Variants in LDB2 observed in about 807,000 individuals in gnomAD.
LDB2 encodes LIM domain binding 2, also known as LIM domain-binding protein 2.
In LDB2, 12 loss-of-function variants were observed where a neutral mutation model predicts 44.3. The ratio of observed to expected loss-of-function variants is 0.27; its 90% confidence interval spans 0.17 to 0.44. The LOEUF (loss-of-function observed/expected upper bound fraction) is 0.44, where lower values mean the gene tolerates loss of function less well. Among genes scored for constraint, LDB2 ranks in the 20% least tolerant of loss-of-function variants. The pLI is 1.00. For synonymous variants in LDB2, 164 were observed against 174.8 expected (o/e 0.94, Z 0.49); for missense variants, 344 against 473.5 (o/e 0.73, Z 2.54).
At chr4:16,766,892 T>C (rs1415058572) in intron 1 of LDB2, among the ~76,000 whole-genome samples, 5 of 152,162 alleles carry the variant, frequency 3.3e-5, no homozygotes, top group African/African-American at 1.2e-4. Flanking sequence ...ATTTAAACAT[T>C]TTGCTACTAA....
Position 16,898,480 on chromosome 4 carries a change from G to A in LDB2, c.6C>T (p.Ser2=), listed in dbSNP as rs1052406984. The A allele has an allele frequency of 3.7e-6, 6 of 1,613,440 alleles. No homozygotes were observed. Among genetic ancestry groups the A allele is most frequent in the Non-Finnish European group, 5.1e-6 (6 of 1,179,820 alleles). The change falls in exon 1 of 8, where the codon TCC becomes TCT. Residue 2 remains serine (S), a synonymous_variant. Coordinates refer to ENST00000304523, the MANE Select transcript of LDB2 (RefSeq NM_001290.5). M[S]STPHDPFYSS... is the part of the protein sequence containing the mutation. The stretch of plus-strand genomic sequence containing the variant: ...AATAGAAGGGGTCATGTGGTGTGCT[G>A]GACATCTTGCCTGCTTTTCGAAAAT...
chr4:16,870,342 A>T (rs1471692838), intron 1 of LDB2, among the ~76,000 whole-genome samples: 1 of 152,190 alleles, frequency 6.6e-6, no homozygotes, highest in African/African-American at 2.4e-5. Flanking sequence ...TTTAAATGTC[A>T]TATTAGTCCA....
chr4:16,516,039 AT>A (rs985876311), intron 5 of LDB2, among the ~76,000 whole-genome samples: 7 of 150,426 alleles, frequency 4.7e-5, no homozygotes, highest in Non-Finnish European at 5.9e-5. Context: ...AATTTTTTGT[AT>A]TTTTTTTAGT....
intron 1 of LDB2, among the ~76,000 whole-genome samples, chr4:16,880,789 A>G (rs1465025968): frequency 1.3e-5 from 2 of 151,674 alleles, no homozygotes; most frequent in African/African-American, 4.9e-5. Context: ...CTGTAGTCCC[A>G]GCTACTTGGG....
intron 2 of LDB2, among the ~76,000 whole-genome samples, chr4:16,689,354 T>C (rs1370941201): frequency 6.6e-6 from 1 of 152,318 alleles, no homozygotes; most frequent in Non-Finnish European, 1.5e-5. Context: ...TACCGATTCC[T>C]TAAGATCTGA....
At chr4:16,526,513 C>T (rs1475365713) in intron 5 of LDB2, among the ~76,000 whole-genome samples, 1 of 152,152 alleles carries the variant, frequency 6.6e-6, no homozygotes, top group African/African-American at 2.4e-5. Context: ...ATCACATGAG[C>T]CAATGCACCT....
intron 1 of LDB2, among the ~76,000 whole-genome samples, chr4:16,895,735 T>C (rs1331949988): frequency 6.6e-6 from 1 of 152,216 alleles, no homozygotes; most frequent in East Asian, 1.9e-4. Context: ...TGATTTTGCA[T>C]GTGAATAAAC....
At chr4:16,764,730 G>A (rs944201034) in intron 1 of LDB2, among the ~76,000 whole-genome samples, 2 of 152,136 alleles carry the variant, frequency 1.3e-5, no homozygotes, top group Non-Finnish European at 2.9e-5. Context: ...CGTAAACTTA[G>A]AGCCAACATC....
intron 2 of LDB2, among the ~76,000 whole-genome samples, chr4:16,739,730 G>GTATATATACATACATATACATATA (rs1418551321): frequency 1.2e-4 from 12 of 100,416 alleles, no homozygotes; most frequent in African/African-American, 5.1e-4. Flanking sequence ...ATACATATAT[G>GTATATATACATACATATACATATA]TGTATATACA....
intron 2 of LDB2, among the ~76,000 whole-genome samples, chr4:16,724,686 T>C (rs1282652664): frequency 1.3e-5 from 2 of 152,184 alleles, no homozygotes; most frequent in Non-Finnish European, 2.9e-5. Flanking sequence ...CCTCATCTCA[T>C]TGATTAGCAA....
chr4:16,544,166 C>T (rs897038132), intron 5 of LDB2, among the ~76,000 whole-genome samples: 3 of 152,182 alleles, frequency 2.0e-5, no homozygotes, highest in Non-Finnish European at 4.4e-5. Context: ...TAGGCACAGT[C>T]TGGCTATTTT....
At chr4:16,553,898 C>T (rs1296618666) in intron 5 of LDB2, among the ~76,000 whole-genome samples, 2 of 152,134 alleles carry the variant, frequency 1.3e-5, no homozygotes, top group African/African-American at 4.8e-5. Flanking sequence ...TAGCTAGTGA[C>T]TGGCCAAGTA....
rs2110315426 is a variant in LDB2 at position 16,867,387 on chromosome 4, A to ATACT, written c.132+30966_132+30967insAGTA. 2.0e-5 allele frequency among the ~76,000 whole-genome samples: 3 copies of ATACT among 152,340 alleles called. 1 individual carries two copies. The South Asian group carries it at 6.2e-4, about 32-fold the overall frequency. On this transcript the variant is annotated intron_variant, in intron 1 of 7. Transcript: ENST00000304523. The stretch of plus-strand genomic sequence containing the variant: ...TCAATTACCCCCAGAGTATTAATTA[A>ATACT]AGGCCCTGCTCAGGGCACTAGAAAT...
intron 2 of LDB2, among the ~76,000 whole-genome samples, chr4:16,677,125 T>C (rs1560847706): frequency 6.6e-6 from 1 of 152,134 alleles, no homozygotes; most frequent in Non-Finnish European, 1.5e-5. Context: ...ATAGTGTGAA[T>C]ATCTGTGAAG....
chr4:16,863,656 CTTTTTTTTTTTTTT>C (rs143950913), intron 1 of LDB2, among the ~76,000 whole-genome samples: 1 of 91,956 alleles, frequency 1.1e-5, no homozygotes, highest in Non-Finnish European at 1.9e-5. Flanking sequence ...CTCACATTCT[CTTTTTTTTTTTTTT>C]TTTTTTTTGA....
chr4:16,843,637 T>G (rs1786335516), intron 1 of LDB2, among the ~76,000 whole-genome samples: 2 of 152,240 alleles, frequency 1.3e-5, no homozygotes, highest in African/African-American at 4.8e-5. Flanking sequence ...GTTTTTGTTT[T>G]CTGAGACAGA....
intron 5 of LDB2, among the ~76,000 whole-genome samples, chr4:16,542,570 G>A (rs62296899): frequency 0.079 from 11,956 of 152,198 alleles, 485 homozygotes; most frequent in South Asian, 0.13. Context: ...AGATGATGGT[G>A]AGCCTTATAA....
At chr4:16,520,050 C>T (rs1441984750) in intron 5 of LDB2, among the ~76,000 whole-genome samples, 2 of 152,004 alleles carry the variant, frequency 1.3e-5, no homozygotes, top group East Asian at 1.9e-4. Flanking sequence ...TAGTAGCTAA[C>T]GTCTCCGATA....
intron 1 of LDB2, among the ~76,000 whole-genome samples, chr4:16,823,118 C>T (rs925183382): frequency 2.0e-5 from 3 of 152,176 alleles, no homozygotes; most frequent in Admixed American, 6.5e-5. Flanking sequence ...TCTTCCTGGG[C>T]AGCTGAGCTC....
Sources: gnomAD v4.1 joint callset for allele counts (sites outside exome capture counted in the v4.1 genomes callset) on GRCh38, gnomAD v4.1.1 for gene constraint, MANE v1.5 for transcripts, NCBI Gene and HGNC (gene_info 2026-07-23, HGNC 2026-07-21) for gene names.